Variants in NCOA2 observed in about 807,000 individuals in gnomAD.
NCOA2 encodes class E basic helix-loop-helix protein 75.
NCOA2 carries 21 observed loss-of-function variants against 145.1 expected under a neutral mutation model. The observed-to-expected ratio is 0.14, with a 90% CI of 0.10 to 0.21. The LOEUF is 0.21. Among genes scored for constraint, NCOA2 ranks in the 10% least tolerant of loss-of-function variants. The pLI, the probability that NCOA2 is intolerant of heterozygous loss-of-function variation, is 1.00. For synonymous variants in NCOA2, 619 were observed against 637.5 expected, an observed-to-expected ratio of 0.97 and a Z score of 0.44; for missense variants, 1,472 against 1,837.6, an observed-to-expected ratio of 0.80 and a Z score of 3.64.
chr8:70,184,645 T>C (rs1815850146), intron 4 of NCOA2, among the ~76,000 whole-genome samples: 1 of 152,056 alleles, frequency 6.6e-6, no homozygotes, highest in Non-Finnish European at 1.5e-5. Flanking sequence ...GAATATCCAA[T>C]GACTAAAATA....
chr8:70,287,105 GT>G (rs1359858872), intron 2 of NCOA2, among the ~76,000 whole-genome samples: 3 of 152,066 alleles, frequency 2.0e-5, no homozygotes, highest in Non-Finnish European at 2.9e-5. Flanking sequence ...TTAGCCGGAT[GT>G]GGTGGTATAC....
intron 2 of NCOA2, among the ~76,000 whole-genome samples, chr8:70,224,954 C>T (rs1304435744): frequency 1.3e-5 from 2 of 151,812 alleles, no homozygotes; most frequent in Admixed American, 1.3e-4. Context: ...TTCCCCTACC[C>T]CTCTCCTCTC....
At chr8:70,249,922 C>T (rs1249487054) in intron 2 of NCOA2, among the ~76,000 whole-genome samples, 1 of 134,682 alleles carries the variant, frequency 7.4e-6, no homozygotes, top group Non-Finnish European at 1.5e-5. Flanking sequence ...GAGATCAGAA[C>T]ATTGCACTCC....
chr8:70,418,983 T>A, the NCOA2 span, among the ~76,000 whole-genome samples: 1 of 152,130 alleles, frequency 6.6e-6, no homozygotes, highest in Admixed American at 6.6e-5. Flanking sequence ...GAGTGCTCTA[T>A]TCAGTATGCT....
At chr8:70,441,788 GAA>G in the NCOA2 span, among the ~76,000 whole-genome samples, 2 of 13,196 alleles carry the variant, frequency 1.5e-4, no homozygotes, top group Admixed American at 3.2e-3. Flanking sequence ...AGAAGAGAAA[GAA>G]AGAAAGAAAG....
chr8:70,448,608 AAAC>A, the NCOA2 span, among the ~76,000 whole-genome samples: 11 of 152,332 alleles, frequency 7.2e-5, no homozygotes, highest in East Asian at 9.6e-4. Context: ...ATAAGGAAAA[AAAC>A]AACATTTTTC....
chr8:70,185,841 C>T (rs748467901), intron 4 of NCOA2, among the ~76,000 whole-genome samples: 1 of 152,146 alleles, frequency 6.6e-6, no homozygotes, highest in Non-Finnish European at 1.5e-5. Context: ...TCTGTCTAGT[C>T]TCAAGTATTT....
At chr8:70,306,797 T>G (rs1827931421) in intron 1 of NCOA2, among the ~76,000 whole-genome samples, 1 of 152,172 alleles carries the variant, frequency 6.6e-6, no homozygotes, top group African/African-American at 2.4e-5. Context: ...GAGGATTGCT[T>G]GAGCCTGGGA....
In NCOA2 at chr8:70,202,127, C is replaced by T. The variant is rs59824123; in HGVS notation, c.259+11776G>A. On this transcript the variant is annotated intron_variant, in intron 4 of 22. Coordinates refer to ENST00000452400, the MANE Select transcript of NCOA2 (RefSeq NM_006540.4). ...AGCAGGAAAATGCAAATGAAAACCA[C>T]AATGAGATATCACCTCACACCTATT... 3.7e-3 allele frequency among the ~76,000 whole-genome samples: 565 copies of T among 152,270 alleles called. 5 individuals carry two copies. The highest frequency in any genetic ancestry group is 0.012 in the African/African-American group (505 of 41,536).
chr8:70,318,465 G>A (rs944213015), intron 1 of NCOA2, among the ~76,000 whole-genome samples: 1 of 152,066 alleles, frequency 6.6e-6, no homozygotes, highest in African/African-American at 2.4e-5. Context: ...CTCCTGCTCA[G>A]TGCTCTTAAA....
chr8:70,138,582 A>T (rs146330737), intron 14 of NCOA2, among the ~76,000 whole-genome samples: 1 of 152,236 alleles, frequency 6.6e-6, no homozygotes, highest in African/African-American at 2.4e-5. Flanking sequence ...AATACTCAAA[A>T]AAGTTTTTAT....
At chr8:70,317,120 T>C (rs903343407) in intron 1 of NCOA2, among the ~76,000 whole-genome samples, 4 of 152,182 alleles carry the variant, frequency 2.6e-5, no homozygotes, top group Non-Finnish European at 4.4e-5. Flanking sequence ...TGTACCGCGG[T>C]TGCAATGAGT....
chr8:70,370,272 T>A lies in NCOA2; in HGVS notation c.-77+33428A>T, dbSNP rs78526745. Among the ~76,000 whole-genome samples, 135 of 152,310 alleles carry A rather than the reference T, an allele frequency of 8.9e-4. 2 individuals are homozygous for A. In the East Asian group the frequency reaches 0.016, roughly 18 times the overall value. ...AATGAAGAATATTATGTCCAAAAAA[T>A]GTCAGGCTTCCTTTCATGGAGCTCT... is the stretch of plus-strand genomic sequence containing the variant. On this transcript the variant is annotated intron_variant, in intron 1 of 22. Coordinates refer to ENST00000452400, the MANE Select transcript of NCOA2 (RefSeq NM_006540.4).
At chr8:70,299,848 G>A (rs1345182704) in intron 1 of NCOA2, among the ~76,000 whole-genome samples, 4 of 152,160 alleles carry the variant, frequency 2.6e-5, no homozygotes, top group African/African-American at 9.7e-5. Context: ...GTTCACAGCA[G>A]TTATTGTCCA....
the NCOA2 span, among the ~76,000 whole-genome samples, chr8:70,442,161 A>AAGAAAGAAAGAAAGAG: frequency 7.0e-6 from 1 of 142,924 alleles, no homozygotes; most frequent in Admixed American, 6.8e-5. Context: ...GAAAGAAAGA[A>AAGAAAGAAAGAAAGAG]AGAGAAAGGC....
chr8:70,270,324 C>G (rs530927489), intron 2 of NCOA2, among the ~76,000 whole-genome samples: 1 of 152,214 alleles, frequency 6.6e-6, no homozygotes, highest in East Asian at 1.9e-4. Flanking sequence ...ATGCAACAGC[C>G]GAAAAATTGT....
At chr8:70,366,145 C>A (rs1438830548) in intron 1 of NCOA2, among the ~76,000 whole-genome samples, 1 of 152,170 alleles carries the variant, frequency 6.6e-6, no homozygotes, top group South Asian at 2.1e-4. Context: ...CAATTTCGGG[C>A]ACCCAAGCCT....
At chr8:70,305,860 C>T (rs757642061) in intron 1 of NCOA2, among the ~76,000 whole-genome samples, 8 of 152,160 alleles carry the variant, frequency 5.3e-5, no homozygotes, top group South Asian at 4.1e-4. Context: ...AAAAGCTTTG[C>T]AACTCACTGT....
chr8:70,342,722 T>TA (rs1185035882), intron 1 of NCOA2, among the ~76,000 whole-genome samples: 21 of 145,444 alleles, frequency 1.4e-4, no homozygotes, highest in South Asian at 7.0e-4. Context: ...TTTTTTTTTT[T>TA]AAAAAGGACT....
Sources: gnomAD v4.1 joint callset for allele counts (sites outside exome capture counted in the v4.1 genomes callset) on GRCh38, gnomAD v4.1.1 for gene constraint, MANE v1.5 for transcripts, NCBI Gene and HGNC (gene_info 2026-07-23, HGNC 2026-07-21) for gene names.